The following AP2A2 variants were observed in gnomAD, a reference collection of about 807,000 sequenced individuals.
AP2A2 encodes the protein adaptor related protein complex 2 subunit alpha 2.
Under a neutral mutation model 104.2 loss-of-function variants are expected in AP2A2, and 32 were observed. The ratio of observed to expected loss-of-function variants is 0.31; its 90% CI spans 0.23 to 0.41. The LOEUF (loss-of-function observed/expected upper bound fraction) is 0.41, where lower values mean the gene tolerates loss of function less well. AP2A2 is among the 10% of genes least tolerant of loss of function. The probability of loss-of-function intolerance (pLI) is 1.00; values close to 1 mark genes in which losing one functional copy is unlikely to be tolerated. For missense variants in AP2A2, 912 were observed against 1,261.0 expected (o/e 0.72, Z 4.19); for synonymous variants, 539 against 533.3 (o/e 1.01, Z -0.15).
intron 4 of AP2A2, among the ~76,000 whole-genome samples, chr11:974,487 C>A (rs190736327): frequency 1.6e-4 from 24 of 152,194 alleles, no homozygotes; most frequent in Non-Finnish European, 2.6e-4. Flanking sequence ...TTGAGACCAG[C>A]CCGGCCAACA....
At chr11:969,084 A>G (rs1473856141) in intron 2 of AP2A2, among the ~76,000 whole-genome samples, 2 of 152,138 alleles carry the variant, frequency 1.3e-5, no homozygotes. Context: ...ACGCTGTGGC[A>G]GCAGAGTCTC....
At chr11:929,514 G>A (rs1853219995) in intron 1 of AP2A2, among the ~76,000 whole-genome samples, 1 of 152,246 alleles carries the variant, frequency 6.6e-6, no homozygotes, top group African/African-American at 2.4e-5. Flanking sequence ...TGAAGGGGCG[G>A]ATTTTGAGCT....
In AP2A2 at chr11:993,689, G is replaced by T; in HGVS notation, c.1551-65G>T. 7.8e-7 allele frequency: 1 copy of T among 1,284,176 alleles called. No individual in the cohort carries two copies. Among genetic ancestry groups the T allele is most frequent in the Non-Finnish European group, 1.1e-6 (1 of 930,698 alleles). 79.5% of individuals were successfully genotyped at this position (1,284,176 alleles called of 1,614,324 possible). ...GGGGTCTCGCCGCCGTCCCCCCCCC[G>T]CGGGGGCGTGCTGCAGCCTGCGAGG... On this transcript the variant is annotated intron_variant, in intron 12 of 21. Coordinates refer to ENST00000448903, the MANE Select transcript of AP2A2 (RefSeq NM_012305.4). This position sits in a 1 kb window ranked among gnomAD's most constrained non-coding sequence, Gnocchi z 8.2.
intron 6 of AP2A2, among the ~76,000 whole-genome samples, chr11:983,640 C>T (rs998765145): frequency 1.2e-4 from 19 of 152,132 alleles, no homozygotes; most frequent in Admixed American, 1.1e-3. Flanking sequence ...GCCTTGGCCT[C>T]TCAAAGTGCT....
At chr11:994,038 G>T (rs748272723) in intron 13 of AP2A2, 34 bp from the exon 14 acceptor site, 20 of 1,610,238 alleles carry the variant, frequency 1.2e-5, no homozygotes, top group Non-Finnish European at 1.7e-5. Flanking sequence ...GAGGCCAGGA[G>T]CTCTGACCAG....
chr11:955,370 G>A (rs1854201309), intron 1 of AP2A2, among the ~76,000 whole-genome samples: 1 of 152,206 alleles, frequency 6.6e-6, no homozygotes, highest in African/African-American at 2.4e-5. Context: ...CCATCCTGGG[G>A]GGCATCAGGC....
rs1224869554 is a variant in AP2A2 at position 988,535 on chromosome 11, T to G, written c.1132-17T>G. 1.9e-6 allele frequency: 3 copies of G among 1,608,012 alleles called. No homozygotes were observed. The highest frequency in any genetic ancestry group is 2.5e-6 in the Non-Finnish European group (3 of 1,179,258). ...GCCTTGCTCCTGCGACCTCTTACTCTGTGCCTTGTTCCCCAGACTGAGCGG... is the reference window on the plus strand; with the variant it reads ...GCCTTGCTCCTGCGACCTCTTACTCGGTGCCTTGTTCCCCAGACTGAGCGG... On this transcript the variant is annotated splice_polypyrimidine_tract_variant and intron_variant, in intron 9 of 21. Transcript: ENST00000448903.
intron 6 of AP2A2, among the ~76,000 whole-genome samples, chr11:981,965 C>T (rs1564807333): frequency 6.6e-6 from 1 of 152,290 alleles, no homozygotes; most frequent in Non-Finnish European, 1.5e-5. Context: ...CTCACAGCGG[C>T]AGCAGGAGGC....
intron 1 of AP2A2, among the ~76,000 whole-genome samples, chr11:943,817 C>T (rs1205294591): frequency 7.6e-6 from 1 of 131,522 alleles, no homozygotes; most frequent in Non-Finnish European, 1.6e-5. Context: ...GCGGAGATGG[C>T]GAGAATAGGA....
At position 977,236 on chromosome 11, in the gene AP2A2, T is replaced by G; in HGVS notation, c.603+12T>G. On this transcript the variant is annotated intron_variant, in intron 5 of 21. Coordinates refer to ENST00000448903, the MANE Select transcript of AP2A2 (RefSeq NM_012305.4). Reference sequence around the variant, plus strand: ...ATGACCAGCACTTGGTAAGCACCCTTGGCTTTGGTTCTCCCCGCTCCCCCA... The same window carrying G: ...ATGACCAGCACTTGGTAAGCACCCTGGGCTTTGGTTCTCCCCGCTCCCCCA... 2.5e-6 allele frequency: 4 copies of G among 1,575,592 alleles called. No individual in the cohort carries two copies. The highest frequency in any genetic ancestry group is 3.5e-6 in the Non-Finnish European group (4 of 1,156,830).
intron 15 of AP2A2, among the ~76,000 whole-genome samples, chr11:1,002,567 G>A (rs1056325292): frequency 2.5e-4 from 38 of 152,266 alleles, no homozygotes; most frequent in Admixed American, 6.5e-5. Context: ...TCTCGTGGCC[G>A]TGGCAGGCTG....
At chr11:929,476 C>T (rs575109758) in intron 1 of AP2A2, among the ~76,000 whole-genome samples, 144 of 152,292 alleles carry the variant, frequency 9.5e-4, no homozygotes, top group African/African-American at 3.3e-3. Flanking sequence ...CCACTAGCCA[C>T]GGAGCCTCAG....
intron 15 of AP2A2, among the ~76,000 whole-genome samples, chr11:1,003,143 T>C (rs1856080130): frequency 6.6e-6 from 1 of 151,928 alleles, no homozygotes; most frequent in African/African-American, 2.4e-5. Context: ...GTAGTGTAGA[T>C]AGGTGCCCTG....
chr11:983,508 G>A (rs1186405006), intron 6 of AP2A2, among the ~76,000 whole-genome samples: 2 of 151,848 alleles, frequency 1.3e-5, no homozygotes, highest in Non-Finnish European at 2.9e-5. Context: ...TCAGCCTCTC[G>A]AGTAGCTGGG....
rs554259457 is a variant in AP2A2, at chr11:961,690, C to T, written c.136+2185C>T. On this transcript the variant is annotated intron_variant, in intron 2 of 21. Transcript: ENST00000448903. ...ATGGAGATGTGGGTCTGACAGTCGC[C>T]GCCACCAGTGAAAAGTAAAGGGCGG... is the stretch of plus-strand genomic sequence containing the variant. Among the ~76,000 whole-genome samples, 10 of 131,830 alleles carry T rather than the reference C, an allele frequency of 7.6e-5. No individual in the cohort carries two copies. In the South Asian group the frequency reaches 2.0e-3, roughly 26 times the overall value. 86.5% of individuals were successfully genotyped at this position (131,830 alleles called of 152,430 possible). A position where few individuals can be genotyped will look rare whatever the true frequency, so the allele number is the denominator to read the frequency against.
rs145184268 is a variant in AP2A2 at position 939,951 on chromosome 11, C to CTTT, written c.67+13883_67+13885dup. Among the ~76,000 whole-genome samples the CTTT allele has an allele frequency of 2.8e-3, 301 of 106,030 alleles. 7 individuals carry two copies. Among genetic ancestry groups the CTTT allele is most frequent in the African/African-American group, 7.5e-3 (203 of 27,184 alleles). The allele number at this position is 106,030 out of a possible 152,430, so 69.6% of individuals were successfully genotyped here. On this transcript the variant is annotated intron_variant, in intron 1 of 21. Coordinates refer to ENST00000448903, the MANE Select transcript of AP2A2 (RefSeq NM_012305.4). ...TAATGATTGCCTTTTGTTTTGCTTA[C>CTTT]TTTTTTTTTTTTTTTTTTTTTTGAG...
chr11:930,987 T>C (rs1388314728), intron 1 of AP2A2, among the ~76,000 whole-genome samples: 1 of 152,134 alleles, frequency 6.6e-6, no homozygotes, highest in Admixed American at 6.5e-5. Flanking sequence ...GTGTAACCGG[T>C]TCCCTACCTC....
chr11:962,822 A>G (rs1293255860), intron 2 of AP2A2, among the ~76,000 whole-genome samples: 1 of 152,068 alleles, frequency 6.6e-6, no homozygotes, highest in Non-Finnish European at 1.5e-5. Context: ...CTAGATAGGG[A>G]AGGTGGCCCC....
At chr11:938,932 A>G (rs779228507) in intron 1 of AP2A2, among the ~76,000 whole-genome samples, 17 of 152,130 alleles carry the variant, frequency 1.1e-4, no homozygotes, top group Non-Finnish European at 1.9e-4. Flanking sequence ...CCTTACTTAA[A>G]TGTTTTAAAA....
Sources: allele counts gnomAD v4.1 joint callset (sites outside exome capture counted in the v4.1 genomes callset), GRCh38; gene constraint gnomAD v4.1.1; non-coding constraint Gnocchi (gnomAD v3.1); transcripts MANE v1.5; gene names NCBI Gene and HGNC (gene_info 2026-07-23, HGNC 2026-07-21).